Variants in RNF144B observed in about 807,000 individuals in gnomAD.
The protein encoded by RNF144B is E3 ubiquitin-protein ligase RNF144B.
Under a neutral mutation model 40.2 loss-of-function variants are expected in RNF144B, and 25 were observed. That is an observed-to-expected ratio of 0.62 (90% CI 0.45 to 0.87). RNF144B has a LOEUF of 0.87. RNF144B is among the 40% of genes least tolerant of loss of function. The pLI is 0.00. For synonymous variants in RNF144B, 145 were observed against 136.3 expected (o/e 1.06, Z -0.44); for missense variants, 365 against 373.7 (o/e 0.98, Z 0.19).
rs1582433391 is a variant in RNF144B, at chr6:18,439,804, C to A, written c.331+60C>A. The stretch of plus-strand genomic sequence containing the variant: ...TGGTTTTACATGTGTCATTTTTACA[C>A]TAACCCACATGGAAGATAAAGGCAG... On this transcript the variant is annotated intron_variant, in intron 4 of 7. Coordinates refer to ENST00000259939, the MANE Select transcript of RNF144B (RefSeq NM_182757.4). The A allele has an allele frequency of 1.3e-5, 15 of 1,140,766 alleles. No homozygotes were observed. In the South Asian group the frequency reaches 1.6e-4, roughly 12 times the overall value. The allele number at this position is 1,140,766 out of a possible 1,614,324, so 70.7% of individuals were successfully genotyped here.
In RNF144B at chr6:18,419,790, A is replaced by T. The variant is rs1339546329; in HGVS notation, c.166-7791A>T. Among the ~76,000 whole-genome samples, 1 of 152,188 alleles carries T rather than the reference A, an allele frequency of 6.6e-6. No individual in the cohort carries two copies. The highest frequency in any genetic ancestry group is 2.4e-5 in the African/African-American group (1 of 41,444). On this transcript the variant is annotated intron_variant, in intron 2 of 7. Coordinates refer to ENST00000259939, the MANE Select transcript of RNF144B (RefSeq NM_182757.4). The surrounding 1 kb of genome is among the most constrained non-coding windows in gnomAD (Gnocchi z 4.6). ...AGAGTTGAGGAGTGAAGAAGGCAGT[A>T]TACAGCCAGGAAGAGGAGTGAGAGA... is the stretch of plus-strand genomic sequence containing the variant.
chr6:18,416,325 C>T lies in RNF144B; in HGVS notation c.166-11256C>T, dbSNP rs914686794. 2.6e-5 allele frequency among the ~76,000 whole-genome samples: 4 copies of T among 152,318 alleles called. No homozygotes were observed. Among genetic ancestry groups the T allele is most frequent in the South Asian group, 2.1e-4 (1 of 4,830 alleles). ...TCAAATTGGAAGCAGATTTTTCCAA[C>T]GCTAGTGCCAGTTCACTGCTCTGAT... On this transcript the variant is annotated intron_variant, in intron 2 of 7. Coordinates refer to ENST00000259939, the MANE Select transcript of RNF144B (RefSeq NM_182757.4). This position sits in a 1 kb window ranked among gnomAD's most constrained non-coding sequence, Gnocchi z 5.5.
chr6:18,456,460 T>C lies in RNF144B; in HGVS notation c.332-695T>C, dbSNP rs886494687. ...TTTTGGAAAAATATCTTATTAAAAA[T>C]TTGCTTTTTATGTCCAATTCTCTTC... On this transcript the variant is annotated intron_variant, in intron 4 of 7. Coordinates refer to ENST00000259939, the MANE Select transcript of RNF144B (RefSeq NM_182757.4). The surrounding 1 kb of genome is among the most constrained non-coding windows in gnomAD (Gnocchi z 4.7). Among the ~76,000 whole-genome samples the C allele has an allele frequency of 6.6e-6, 1 of 152,338 alleles. No homozygotes were observed. Among genetic ancestry groups the C allele is most frequent in the South Asian group, 2.1e-4 (1 of 4,830 alleles).
chr6:18,412,481 GA>G lies in RNF144B; in HGVS notation c.165+12786del, dbSNP rs1457765735. Among the ~76,000 whole-genome samples, 1 of 152,146 alleles carries G rather than the reference GA, an allele frequency of 6.6e-6. No individual in the cohort carries two copies. The highest frequency in any genetic ancestry group is 1.5e-5 in the Non-Finnish European group (1 of 68,006). ...GTTAGAAAAAAATGGGCCATATCTA[GA>G]AAAGTATATTACACATAGAAGACAT... is the stretch of plus-strand genomic sequence containing the variant. On this transcript the variant is annotated intron_variant, in intron 2 of 7. Transcript: ENST00000259939. This position sits in a 1 kb window ranked among gnomAD's most constrained non-coding sequence, Gnocchi z 4.2.
Position 18,398,103 on chromosome 6 carries a change from T to C in RNF144B, c.-36-1396T>C, listed in dbSNP as rs542923681. Among the ~76,000 whole-genome samples the C allele has an allele frequency of 1.5e-3, 233 of 152,032 alleles. No homozygotes were observed. Among genetic ancestry groups the C allele is most frequent in the Admixed American group, 3.6e-3 (55 of 15,284 alleles). ...GAGCCTGGGCAACAGAGAGAGACCC[T>C]TTCTCTAGGAAAAAAAAACCCCACA... On this transcript the variant is annotated intron_variant, in intron 1 of 7. Transcript: ENST00000259939. This position sits in a 1 kb window ranked among gnomAD's most constrained non-coding sequence, Gnocchi z 5.0.
chr6:18,409,732 G>T (rs1215529988), intron 2 of RNF144B, among the ~76,000 whole-genome samples: 1 of 151,704 alleles, frequency 6.6e-6, no homozygotes, highest in African/African-American at 2.4e-5. Context: ...CATCATGCTG[G>T]CTAATTTTTG....
At chr6:18,415,929 G>A (rs1399834212) in intron 2 of RNF144B, among the ~76,000 whole-genome samples, 1 of 151,826 alleles carries the variant, frequency 6.6e-6, no homozygotes, top group Non-Finnish European at 1.5e-5. Context: ...TCTAATAGTA[G>A]GAGGAAGAAT....
At position 18,387,458 on chromosome 6, in the gene RNF144B, C is replaced by G; in HGVS notation, c.-209C>G. On this transcript the variant is annotated 5_prime_UTR_variant, in exon 1 of 8. Coordinates refer to ENST00000259939, the MANE Select transcript of RNF144B (RefSeq NM_182757.4). ...TCCTCCCGACCCGTAGGTCTGGGAG[C>G]GCAAGTCCTGTTGCAGTCTTGCAAA... is the stretch of plus-strand genomic sequence containing the variant. 26 of 1,244,532 alleles carry G rather than the reference C, an allele frequency of 2.1e-5. No homozygotes were observed. Among genetic ancestry groups the G allele is most frequent in the Non-Finnish European group, 2.7e-5 (26 of 962,806 alleles). The allele number at this position is 1,244,532 out of a possible 1,614,324, so 77.1% of individuals were successfully genotyped here. A position where few individuals can be genotyped will look rare whatever the true frequency, so the allele number is the denominator to read the frequency against.
chr6:18,439,399 A>G (rs1758905705), intron 3 of RNF144B, among the ~76,000 whole-genome samples: 1 of 152,146 alleles, frequency 6.6e-6, no homozygotes, highest in Admixed American at 6.6e-5. Context: ...CTGTAATAAA[A>G]TTTTGTTGTC....
intron 3 of RNF144B, among the ~76,000 whole-genome samples, chr6:18,432,925 G>C (rs1050223846): frequency 1.3e-5 from 2 of 152,232 alleles, no homozygotes; most frequent in African/African-American, 4.8e-5. Context: ...CAGAATTTCT[G>C]TAAGAAGGGA....
At chr6:18,403,551 A>G (rs1395620948) in intron 2 of RNF144B, among the ~76,000 whole-genome samples, 1 of 152,202 alleles carries the variant, frequency 6.6e-6, no homozygotes, top group Non-Finnish European at 1.5e-5. Flanking sequence ...TCTTGGAGCC[A>G]AATGGATTTT....
At position 18,439,756 on chromosome 6, in the gene RNF144B, TC is replaced by T; in HGVS notation, c.331+13del. On this transcript the variant is annotated intron_variant, in intron 4 of 7. Coordinates refer to ENST00000259939, the MANE Select transcript of RNF144B (RefSeq NM_182757.4). ...AAAATTTGAAAGAGGTATGAACTCTTCTTTTTTTCCTGATGATGAATGTGGT... is the reference window on the plus strand; with the variant it reads ...AAAATTTGAAAGAGGTATGAACTCTTTTTTTTTCCTGATGATGAATGTGGT... 1 of 1,576,854 alleles carries T rather than the reference TC, an allele frequency of 6.3e-7. No homozygotes were observed. The highest frequency in any genetic ancestry group is 8.7e-7 in the Non-Finnish European group (1 of 1,146,360).
intron 1 of RNF144B, among the ~76,000 whole-genome samples, 159 bp downstream of exon 1, chr6:18,387,789 C>A (rs569997958): frequency 1.3e-5 from 2 of 152,226 alleles, no homozygotes; most frequent in East Asian, 1.9e-4. Flanking sequence ...ATTCTGAATG[C>A]CTTAAACACC....
In RNF144B at chr6:18,447,705, C is replaced by T. The variant is rs1759113770; in HGVS notation, c.331+7961C>T. ...CTGTCAGGATTTCCTGGTAGAGATA[C>T]ATCTGGATTATATGAGTCAGGATCA... On this transcript the variant is annotated intron_variant, in intron 4 of 7. Coordinates refer to ENST00000259939, the MANE Select transcript of RNF144B (RefSeq NM_182757.4). This position sits in a 1 kb window ranked among gnomAD's most constrained non-coding sequence, Gnocchi z 5.6. Among the ~76,000 whole-genome samples, 6 of 152,148 alleles carry T rather than the reference C, an allele frequency of 3.9e-5. No homozygotes were observed. The highest frequency in any genetic ancestry group is 3.9e-4 in the Admixed American group (6 of 15,270).
Position 18,419,019 on chromosome 6 carries a change from G to T in RNF144B, c.166-8562G>T, listed in dbSNP as rs1795201102. On this transcript the variant is annotated intron_variant, in intron 2 of 7. Transcript: ENST00000259939. This position sits in a 1 kb window ranked among gnomAD's most constrained non-coding sequence, Gnocchi z 4.6. Reference sequence around the variant, plus strand: ...GTGCCAGTGGCACCAACGAGACCTGGGAACTTACAAGGAGGGCAAAACCTC... The same window carrying T: ...GTGCCAGTGGCACCAACGAGACCTGTGAACTTACAAGGAGGGCAAAACCTC... Among the ~76,000 whole-genome samples the T allele has an allele frequency of 6.6e-6, 1 of 152,018 alleles. No individual in the cohort carries two copies. The highest frequency in any genetic ancestry group is 6.6e-5 in the Admixed American group (1 of 15,256).
At chr6:18,433,122 C>T (rs1176387563) in intron 3 of RNF144B, among the ~76,000 whole-genome samples, 2 of 152,168 alleles carry the variant, frequency 1.3e-5, no homozygotes, top group Non-Finnish European at 2.9e-5. Flanking sequence ...AAATCCTCTG[C>T]CTCCACTTGC....
rs556097471 is a variant in RNF144B, at chr6:18,435,325, G to A, written c.271-4359G>A. 9.2e-5 allele frequency among the ~76,000 whole-genome samples: 14 copies of A among 152,144 alleles called. No individual in the cohort carries two copies. The South Asian group carries it at 1.0e-3, about 11-fold the overall frequency. The stretch of plus-strand genomic sequence containing the variant: ...CTAGGGAGCTTTGCTTTTACTGCTC[G>A]AATATGGATTTGGTTAGTAATGAAT... On this transcript the variant is annotated intron_variant, in intron 3 of 7. Transcript: ENST00000259939.
At chr6:18,411,480 TATATATATATATA>T (rs1348907094) in intron 2 of RNF144B, among the ~76,000 whole-genome samples, 3,212 of 35,294 alleles carry the variant, frequency 0.091, 206 homozygotes, top group Non-Finnish European at 0.15. Flanking sequence ...TATATATATA[TATATATATATATA>T]TATATTTTTT....
At chr6:18,411,482 TA>T (rs58418289) in intron 2 of RNF144B, among the ~76,000 whole-genome samples, 3,096 of 37,704 alleles carry the variant, frequency 0.082, 169 homozygotes, top group East Asian at 0.28. Context: ...TATATATATA[TA>T]TATATATATA....
Sources: gnomAD v4.1 joint callset for allele counts (sites outside exome capture counted in the v4.1 genomes callset) on GRCh38, gnomAD v4.1.1 for gene constraint, Gnocchi (gnomAD v3.1) non-coding constraint, MANE v1.5 for transcripts, NCBI Gene and HGNC (gene_info 2026-07-23, HGNC 2026-07-21) for gene names.